The following ZFAND6 variants were observed in gnomAD, a reference collection of about 807,000 sequenced individuals.
ZFAND6 encodes AN1-type zinc finger protein 6.
In ZFAND6, 12 loss-of-function variants were observed where a neutral mutation model predicts 24.5. The observed-to-expected ratio is 0.49, with a 90% CI of 0.31 to 0.79. The LOEUF (loss-of-function observed/expected upper bound fraction) is 0.79. ZFAND6 is among the 30% of genes least tolerant of loss of function. ZFAND6 has a pLI of 0.04. For synonymous variants in ZFAND6, 92 were observed against 81.5 expected (o/e 1.13, Z -0.69); for missense variants, 207 against 245.9 (o/e 0.84, Z 1.06).
chr15:80,122,905 CT>C (rs2040209631), intron 5 of ZFAND6, 105 bp downstream of exon 5: 3 of 696,662 alleles, frequency 4.3e-6, no homozygotes, highest in Admixed American at 5.9e-5. Flanking sequence ...ACATGTTTTT[CT>C]GTTTTCCCTA....
At chr15:80,065,007 T>A (rs2141783289) in intron 1 of ZFAND6, among the ~76,000 whole-genome samples, 1 of 150,576 alleles carries the variant, frequency 6.6e-6, no homozygotes, top group African/African-American at 2.4e-5. Flanking sequence ...TCCCCCTTTT[T>A]TTTTTTTTTT....
chr15:80,116,981 GCAAC>G (rs890007622), intron 2 of ZFAND6, among the ~76,000 whole-genome samples: 9 of 152,074 alleles, frequency 5.9e-5, no homozygotes, highest in Non-Finnish European at 1.2e-4. Context: ...TTCTTGCTAA[GCAAC>G]CAACATTGGT....
chr15:80,138,031 G>C lies in ZFAND6; in HGVS notation c.*403G>C, dbSNP rs2040938909. 2 of 154,996 alleles carry C rather than the reference G, an allele frequency of 1.3e-5. No individual in the cohort carries two copies. The highest frequency in any genetic ancestry group is 1.3e-4 in the Admixed American group (2 of 15,318). 9.6% of individuals were successfully genotyped at this position (154,996 alleles called of 1,614,324 possible). Reference sequence around the variant, plus strand: ...TTTCTCTTTTGATAATGCCCTTTAGGGCACAACTAGTTATCAGTAACTGAA... The same window carrying C: ...TTTCTCTTTTGATAATGCCCTTTAGCGCACAACTAGTTATCAGTAACTGAA... On this transcript the variant is annotated 3_prime_UTR_variant, in exon 7 of 7. Transcript: ENST00000261749.
chr15:80,069,324 T>A (rs2036841127), intron 1 of ZFAND6, among the ~76,000 whole-genome samples: 1 of 152,244 alleles, frequency 6.6e-6, no homozygotes, highest in African/African-American at 2.4e-5. Context: ...CCCTGTTTCT[T>A]TTTATTTTGC....
chr15:80,074,543 T>TA (rs1253168321), intron 1 of ZFAND6, among the ~76,000 whole-genome samples: 4 of 151,934 alleles, frequency 2.6e-5, no homozygotes, highest in African/African-American at 9.7e-5. Context: ...CCTTTGTCAT[T>TA]ATTTGTGCGT....
At chr15:80,125,241 A>C (rs559875966) in intron 5 of ZFAND6, among the ~76,000 whole-genome samples, 1 of 152,252 alleles carries the variant, frequency 6.6e-6, no homozygotes, top group African/African-American at 2.4e-5. Context: ...CTGTTAACAC[A>C]TACATCTCCC....
At chr15:80,066,905 A>C (rs1223929721) in intron 1 of ZFAND6, among the ~76,000 whole-genome samples, 1 of 151,914 alleles carries the variant, frequency 6.6e-6, no homozygotes, top group East Asian at 1.9e-4. Context: ...TCCCAAAAAA[A>C]AAAAAAAAAA....
In ZFAND6 at chr15:80,072,315, C is replaced by T. The variant is rs991265137; in HGVS notation, c.-181+12506C>T. ...TTCTGTGAGATTTTCATTTTTGTTA[C>T]TTAGTTTATTTTTCACCTAGACAAG... On this transcript the variant is annotated intron_variant, in intron 1 of 6. Coordinates refer to ENST00000261749, the MANE Select transcript of ZFAND6 (RefSeq NM_019006.4). 2.0e-5 allele frequency among the ~76,000 whole-genome samples: 3 copies of T among 151,970 alleles called. No homozygotes were observed. In the South Asian group the frequency reaches 6.2e-4, roughly 31 times the overall value.
At chr15:80,127,826 C>T (rs1166265409) in intron 5 of ZFAND6, among the ~76,000 whole-genome samples, 1 of 152,020 alleles carries the variant, frequency 6.6e-6, no homozygotes, top group African/African-American at 2.4e-5. Flanking sequence ...GTCATATGAC[C>T]CAGCATTTTT....
rs2036423359 is a variant in ZFAND6 at position 80,063,117 on chromosome 15, G to A, written c.-181+3308G>A. The stretch of plus-strand genomic sequence containing the variant: ...AAATAAAATTGAAACCTCTTACTGT[G>A]GCTTATATACCTCAGACCAGCAAAG... On this transcript the variant is annotated intron_variant, in intron 1 of 6. Coordinates refer to ENST00000261749, the MANE Select transcript of ZFAND6 (RefSeq NM_019006.4). 3.3e-5 allele frequency among the ~76,000 whole-genome samples: 5 copies of A among 152,014 alleles called. No homozygotes were observed. The South Asian group carries it at 1.0e-3, about 32-fold the overall frequency.
intron 1 of ZFAND6, among the ~76,000 whole-genome samples, chr15:80,096,759 A>T (rs1478077314): frequency 6.6e-6 from 1 of 152,206 alleles, no homozygotes; most frequent in Non-Finnish European, 1.5e-5. Context: ...TATACATATT[A>T]GCCCAGTGTA....
chr15:80,113,461 T>A (rs906457082), intron 2 of ZFAND6, among the ~76,000 whole-genome samples: 1 of 152,230 alleles, frequency 6.6e-6, no homozygotes, highest in Non-Finnish European at 1.5e-5. Flanking sequence ...AATTCATCAT[T>A]ATAAATTATA....
intron 1 of ZFAND6, among the ~76,000 whole-genome samples, chr15:80,086,016 G>A (rs898323799): frequency 6.6e-6 from 1 of 151,226 alleles, no homozygotes; most frequent in African/African-American, 2.4e-5. Context: ...GCAATTCATT[G>A]GTGAAAAAAA....
At chr15:80,064,500 T>A (rs2036504479) in intron 1 of ZFAND6, among the ~76,000 whole-genome samples, 1 of 152,198 alleles carries the variant, frequency 6.6e-6, no homozygotes, top group Non-Finnish European at 1.5e-5. Flanking sequence ...GTGTTTTATA[T>A]TTGTGATACC....
At chr15:80,070,404 T>C (rs532565655) in intron 1 of ZFAND6, among the ~76,000 whole-genome samples, 1 of 152,364 alleles carries the variant, frequency 6.6e-6, no homozygotes, top group East Asian at 1.9e-4. Flanking sequence ...AGAAGCAATA[T>C]TGTTTTCATA....
At chr15:80,120,302 C>A in intron 2 of ZFAND6, 26 bp from the exon 3 acceptor site, 1 of 1,470,878 alleles carries the variant, frequency 6.8e-7, no homozygotes, top group Non-Finnish European at 9.1e-7. Flanking sequence ...TGTCTGAGTT[C>A]TTTGCTAATT....
At chr15:80,089,338 A>T (rs769548396) in intron 1 of ZFAND6, among the ~76,000 whole-genome samples, 5 of 125,844 alleles carry the variant, frequency 4.0e-5, no homozygotes, top group Non-Finnish European at 7.8e-5. Context: ...TCCTCACTGT[A>T]GCCTCCACCT....
chr15:80,109,019 C>T (rs965863248), intron 2 of ZFAND6, among the ~76,000 whole-genome samples: 1 of 152,114 alleles, frequency 6.6e-6, no homozygotes, highest in Non-Finnish European at 1.5e-5. Context: ...TGAGCCACCG[C>T]GCCTGCAGGC....
chr15:80,064,114 TTTC>T (rs2036481879), intron 1 of ZFAND6, among the ~76,000 whole-genome samples: 1 of 152,266 alleles, frequency 6.6e-6, no homozygotes. Flanking sequence ...TTATTATTTT[TTTC>T]TTATTATTAT....
Sources: gnomAD v4.1 joint callset for allele counts (sites outside exome capture counted in the v4.1 genomes callset) on GRCh38, gnomAD v4.1.1 for gene constraint, MANE v1.5 for transcripts, NCBI Gene and HGNC (gene_info 2026-07-23, HGNC 2026-07-21) for gene names.